TOP3B: variants seen among roughly 807,000 people sequenced by gnomAD.
TOP3B encodes DNA topoisomerase 3-beta-1.
In TOP3B, 45 loss-of-function variants were observed where a neutral mutation model predicts 93.9. The observed-to-expected ratio is 0.48, with a 90% confidence interval of 0.38 to 0.61. The LOEUF is 0.61. Among genes scored for constraint, TOP3B ranks in the 20% least tolerant of loss-of-function variants. The pLI is 0.00. For synonymous variants in TOP3B, 357 were observed against 472.6 expected, an observed-to-expected ratio of 0.76 and a Z score of 3.17; for missense variants, 750 against 1,156.1, an observed-to-expected ratio of 0.65 and a Z score of 5.09.
chr22:21,970,369 T>C lies in TOP3B; in HGVS notation c.422A>G (p.His141Arg), dbSNP rs757981482. Reference sequence around the variant, plus strand: ...CCGGAACACGGTCTTCTCGCCACCATGGGCCTTGTTCATGACGGGCAGAAC... The same window carrying C: ...CCGGAACACGGTCTTCTCGCCACCACGGGCCTTGTTCATGACGGGCAGAAC... ...DAVLPVMNKA[H>R]GGEKTVFRAR... The change falls in exon 6 of 18, where the codon CAT becomes CGT. Residue 141 changes from histidine (H) to arginine (R), a missense_variant. Transcript: ENST00000357179. This position sits in a 1 kb window ranked among gnomAD's most constrained non-coding sequence, Gnocchi z 4.4. 3.1e-6 allele frequency: 5 copies of C among 1,613,982 alleles called. No homozygotes were observed. The highest frequency in any genetic ancestry group is 4.2e-6 in the Non-Finnish European group (5 of 1,179,964).
chr22:21,961,994 C>G, intron 13 of TOP3B: 1 of 703,162 alleles, frequency 1.4e-6, no homozygotes, highest in Non-Finnish European at 1.9e-6. Flanking sequence ...AGCCCTGTGC[C>G]TGGGACAGGC....
Position 21,964,251 on chromosome 22 carries a change from GT to G in TOP3B, c.1007del (p.Tyr336SerfsTer15), listed in dbSNP as rs1285277974. On this transcript the variant is annotated frameshift_variant, in exon 10 of 18. Coordinates refer to ENST00000357179, the MANE Select transcript of TOP3B (RefSeq NM_001282112.2). LOFTEE classifies it high-confidence loss of function. ...ERLYTQGYIS[Y>X]PRTETTHYPE... The stretch of plus-strand genomic sequence containing the variant: ...GGTAGTGGGTGGTCTCTGTCCGTGG[GT>G]AGCTGATGTAGCCTTGCGTGTAGAG... 1 of 1,614,162 alleles carries G rather than the reference GT, an allele frequency of 6.2e-7. No individual in the cohort carries two copies. Among genetic ancestry groups the G allele is most frequent in the Non-Finnish European group, 8.5e-7 (1 of 1,180,022 alleles).
Position 21,970,203 on chromosome 22 carries a change from C to G in TOP3B, c.581+7G>C. 6.2e-7 allele frequency: 1 copy of G among 1,608,928 alleles called. No individual in the cohort carries two copies. The highest frequency in any genetic ancestry group is 8.5e-7 in the Non-Finnish European group (1 of 1,179,732). On this transcript the variant is annotated splice_region_variant and intron_variant, in intron 6 of 17. Coordinates refer to ENST00000357179, the MANE Select transcript of TOP3B (RefSeq NM_001282112.2). This position sits in a 1 kb window ranked among gnomAD's most constrained non-coding sequence, Gnocchi z 4.4. Reference sequence around the variant, plus strand: ...TGTGCCCAGGACTCTGCGGGTGTGGCCAGCACCTGGTGAATGCACAGCCGA... The same window carrying G: ...TGTGCCCAGGACTCTGCGGGTGTGGGCAGCACCTGGTGAATGCACAGCCGA...
intron 10 of TOP3B, 26 bp from the exon 11 acceptor site, chr22:21,964,054 T>C: frequency 6.2e-7 from 1 of 1,601,310 alleles, no homozygotes. Flanking sequence ...CAGAGCAGAG[T>C]CTGTGGCTGG....
intron 6 of TOP3B, chr22:21,969,984 G>C: frequency 2.2e-6 from 1 of 456,028 alleles, no homozygotes; most frequent in Non-Finnish European, 3.9e-6. Context: ...TGCCCAGGCT[G>C]GTCTCAAACT....
intron 1 of TOP3B, chr22:21,982,292 C>A (rs1004011325): frequency 2.6e-5 from 4 of 152,154 alleles, no homozygotes; most frequent in Non-Finnish European, 5.9e-5. Context: ...GGTCAGAGAA[C>A]CTGGGTGCCC....
At chr22:21,979,771 C>T (rs560299302) in intron 1 of TOP3B, among the ~76,000 whole-genome samples, 3 of 151,694 alleles carry the variant, frequency 2.0e-5, no homozygotes, top group South Asian at 2.1e-4. Flanking sequence ...GAAACCCCGT[C>T]TCTACTAAAA....
chr22:21,967,980 G>T, intron 7 of TOP3B: 1 of 450,908 alleles, frequency 2.2e-6, no homozygotes, highest in South Asian at 2.3e-5. Context: ...AAGCACCTGA[G>T]CCCCTACTTC....
chr22:21,960,803 C>CGAGATCTA, intron 13 of TOP3B: 1 of 265,478 alleles, frequency 3.8e-6, no homozygotes, highest in Non-Finnish European at 7.5e-6. Flanking sequence ...CCTGTGGCAC[C>CGAGATCTA]CACCTGCTCC....
At position 21,962,549 on chromosome 22, in the gene TOP3B, T is replaced by G; in HGVS notation, c.1405A>C (p.Thr469Pro). Residue 469 changes from threonine (T) to proline (P), a missense_variant, in exon 13 of 18, where the codon ACT becomes CCT. This residue lies in a region of TOP3B where 737 missense variants were observed against 933.7 expected (regional missense o/e 0.79). Coordinates refer to ENST00000357179, the MANE Select transcript of TOP3B (RefSeq NM_001282112.2). ...QSVPLEESLP[T>P]CQRGDAFPVG... Reference sequence around the variant, plus strand: ...GGGAAGGCATCACCCCGCTGGCAAGTGGGCAGGCTCTCCTCCAGGGGCACG... The same window carrying G: ...GGGAAGGCATCACCCCGCTGGCAAGGGGGCAGGCTCTCCTCCAGGGGCACG... The G allele has an allele frequency of 6.2e-7, 1 of 1,613,642 alleles. No homozygotes were observed.
At chr22:21,962,970 G>A (rs549947632) in intron 11 of TOP3B, 77 bp from the exon 12 acceptor site, 7 of 1,547,892 alleles carry the variant, frequency 4.5e-6, no homozygotes, top group East Asian at 2.3e-5. Context: ...ACTCTCGCTC[G>A]AGCAGCAAGC....
chr22:21,965,103 A>AGGTC (rs2071362467), intron 9 of TOP3B, 182 bp downstream of exon 9: 8 of 429,918 alleles, frequency 1.9e-5, no homozygotes, highest in Non-Finnish European at 3.3e-5. Flanking sequence ...TAACATCAGG[A>AGGTC]GGTCCCCTCA....
In TOP3B at chr22:21,962,536, C is replaced by A. The variant is rs531634127; in HGVS notation, c.1418G>T (p.Gly473Val). 9 of 1,613,680 alleles carry A rather than the reference C, an allele frequency of 5.6e-6. No individual in the cohort carries two copies. Among genetic ancestry groups the A allele is most frequent in the East Asian group, 2.2e-5 (1 of 44,882 alleles). Residue 473 changes from glycine (G) to valine (V), a missense_variant, in exon 13 of 18, where the codon GGT (glycine) becomes GTT (valine). By Grantham distance (109) the Gly-to-Val change is moderately radical. Around this residue, in one of 4 missense-constraint regions of TOP3B, gnomAD observed 737 missense variants for 933.7 expected, o/e 0.79. Transcript: ENST00000357179. ...CACCTCGCCCACAGGGAAGGCATCA[C>A]CCCGCTGGCAAGTGGGCAGGCTCTC... is the stretch of plus-strand genomic sequence containing the variant. ...LEESLPTCQRGDAFPVGEVKM... is the reference protein window; with the variant it reads ...LEESLPTCQRVDAFPVGEVKM...
Position 21,959,153 on chromosome 22 carries a change from G to A in TOP3B, c.1884C>T (p.His628=). The change falls in exon 16 of 18, where the codon CAC becomes CAT. Residue 628 remains histidine (H), a synonymous_variant. Transcript: ENST00000357179. The part of the protein sequence containing the change: ...GKPLSRCGKC[H]RFMKYIQAKP... ...CTACCTGGATGTACTTCATGAAGCG[G>A]TGGCACTTCCCACAGCGTGAGAGGG... 8.1e-6 allele frequency: 13 copies of A among 1,613,848 alleles called. No homozygotes were observed. The highest frequency in any genetic ancestry group is 1.1e-5 in the Non-Finnish European group (13 of 1,179,998).
At position 21,965,327 on chromosome 22, in the gene TOP3B, G is replaced by C. The variant is rs1321598077; in HGVS notation, c.901C>G (p.Leu301Val). ...KEKAKQRPLA[L>V]NTVEMLRVAS... Reference sequence around the variant, plus strand: ...ACACGCAGCATCTCCACAGTGTTCAGGGCCAGGGGCCTCTGCTTGGCCTTT... The same window carrying C: ...ACACGCAGCATCTCCACAGTGTTCACGGCCAGGGGCCTCTGCTTGGCCTTT... The change falls in exon 9 of 18, where the codon CTG becomes GTG. Residue 301 changes from leucine (L) to valine (V), a missense_variant. Around this residue, in one of 4 missense-constraint regions of TOP3B, gnomAD observed 737 missense variants for 933.7 expected, o/e 0.79. Transcript: ENST00000357179. 1.2e-6 allele frequency: 2 copies of C among 1,609,638 alleles called. No individual in the cohort carries two copies. The highest frequency in any genetic ancestry group is 1.7e-6 in the Non-Finnish European group (2 of 1,178,040).
rs377532695 is a variant in TOP3B at position 21,958,541 on chromosome 22, C to T, written c.2058G>A (p.Pro686=). Reference sequence around the variant, plus strand: ...GGTGGTTGTAGCAGTAGGGGCACAGCGGGTAGCTCTTGCCCCGAGAGCCTG... The same window carrying T: ...GGTGGTTGTAGCAGTAGGGGCACAGTGGGTAGCTCTTGCCCCGAGAGCCTG... The part of the protein sequence containing the change: ...WSSGSRGKSY[P]LCPYCYNHPP... Residue 686 remains proline (P), a synonymous_variant, in exon 17 of 18, where the codon CCG becomes CCA. Coordinates refer to ENST00000357179, the MANE Select transcript of TOP3B (RefSeq NM_001282112.2). The T allele has an allele frequency of 4.2e-5, 68 of 1,613,928 alleles. No homozygotes were observed. The East Asian group carries it at 4.5e-4, about 11-fold the overall frequency.
rs1329326176 is a variant in TOP3B at position 21,963,243 on chromosome 22, G to C, written c.1205-350C>G. The C allele has an allele frequency of 8.7e-6, 2 of 231,052 alleles. No individual in the cohort carries two copies. The highest frequency in any genetic ancestry group is 1.8e-5 in the Non-Finnish European group (2 of 114,040). The allele number at this position is 231,052 out of a possible 1,614,324, so 14.3% of individuals were successfully genotyped here. ...CCCAGCTACTCGGGGGGCTGAGGCAGGGTGAACTGCTTGAACCTGGGAGGC... is the reference window on the plus strand; with the variant it reads ...CCCAGCTACTCGGGGGGCTGAGGCACGGTGAACTGCTTGAACCTGGGAGGC... On this transcript the variant is annotated intron_variant, in intron 11 of 17. Transcript: ENST00000357179. The surrounding 1 kb of genome is among the most constrained non-coding windows in gnomAD (Gnocchi z 4.8).
At chr22:21,977,213 T>G (rs544000167) in intron 1 of TOP3B, 1 of 151,754 alleles carries the variant, frequency 6.6e-6, no homozygotes, top group South Asian at 2.1e-4. Flanking sequence ...AAAAGCAAAA[T>G]AAAATAATCT....
rs2071263440 is a variant in TOP3B, at chr22:21,963,062, G to C, written c.1205-169C>G. ...GAAAATGTGCAGGAAGGCCGGGCGT[G>C]GTGGCTCATGCCTGTAATCCTAGCA... On this transcript the variant is annotated intron_variant, in intron 11 of 17. Transcript: ENST00000357179. The surrounding 1 kb of genome is among the most constrained non-coding windows in gnomAD (Gnocchi z 4.8). 1 of 762,978 alleles carries C rather than the reference G, an allele frequency of 1.3e-6. No homozygotes were observed. Among genetic ancestry groups the C allele is most frequent in the Non-Finnish European group, 2.1e-6 (1 of 468,572 alleles). 47.3% of individuals were successfully genotyped at this position (762,978 alleles called of 1,614,324 possible). A position where few individuals can be genotyped will look rare whatever the true frequency, so the allele number is the denominator to read the frequency against.
Sources: allele counts gnomAD v4.1 joint callset (sites outside exome capture counted in the v4.1 genomes callset), GRCh38; gene constraint gnomAD v4.1.1; regional missense constraint gnomAD v4.1.1; non-coding constraint Gnocchi (gnomAD v3.1); transcripts MANE v1.5; gene names NCBI Gene and HGNC (gene_info 2026-07-23, HGNC 2026-07-21).